STT3B: variants seen among roughly 807,000 people sequenced by gnomAD.
The protein encoded by STT3B is dolichyl-diphosphooligosaccharide--protein glycosyltransferase subunit STT3B.
A neutral mutation model predicts 96.8 loss-of-function variants in STT3B; 29 were observed. The ratio of observed to expected loss-of-function variants is 0.30; its 90% CI spans 0.22 to 0.41. The LOEUF is 0.41. STT3B is among the 10% of genes least tolerant of loss of function. The probability of loss-of-function intolerance (pLI) is 1.00; values close to 1 mark genes in which losing one functional copy is unlikely to be tolerated. For synonymous variants in STT3B, 367 were observed against 360.0 expected, an observed-to-expected ratio of 1.02 and a Z score of -0.22; for missense variants, 640 against 1,022.3, an observed-to-expected ratio of 0.63 and a Z score of 5.10.
rs568587634 is a variant in STT3B, at chr3:31,627,622, A to C, written c.2073+1495A>C. On this transcript the variant is annotated intron_variant, in intron 13 of 15. Coordinates refer to ENST00000295770, the MANE Select transcript of STT3B (RefSeq NM_178862.3). The stretch of plus-strand genomic sequence containing the variant: ...GAAAAATGTATGCAGGTGTCGTGTG[A>C]TGCAGATGAAGTAAAGCCTCAGATT... Among the ~76,000 whole-genome samples the C allele has an allele frequency of 3.9e-5, 6 of 152,378 alleles. No homozygotes were observed. The East Asian group carries it at 7.7e-4, about 20-fold the overall frequency.
At chr3:31,601,632 C>CT (rs1352888124) in intron 5 of STT3B, among the ~76,000 whole-genome samples, 1 of 152,002 alleles carries the variant, frequency 6.6e-6, no homozygotes, top group African/African-American at 2.4e-5. Flanking sequence ...AGAGGTGTGA[C>CT]TGTTGAATGG....
At position 31,636,132 on chromosome 3, in the gene STT3B, T is replaced by G. The variant is rs1699750824; in HGVS notation, c.*68T>G. On this transcript the variant is annotated 3_prime_UTR_variant, in exon 16 of 16. Transcript: ENST00000295770. ...AGAACCGGTCTTTGCCTTTAGCTCATGTCGTGTTTCACAGCAAAGAGGGTA... is the reference window on the plus strand; with the variant it reads ...AGAACCGGTCTTTGCCTTTAGCTCAGGTCGTGTTTCACAGCAAAGAGGGTA... 7.9e-7 allele frequency: 1 copy of G among 1,271,308 alleles called. No homozygotes were observed. The highest frequency in any genetic ancestry group is 1.1e-6 in the Non-Finnish European group (1 of 915,108). The allele number at this position is 1,271,308 out of a possible 1,614,324, so 78.8% of individuals were successfully genotyped here. A position where few individuals can be genotyped will look rare whatever the true frequency, so the allele number is the denominator to read the frequency against.
chr3:31,545,299 TA>T (rs1450676355), intron 1 of STT3B, among the ~76,000 whole-genome samples: 46 of 152,338 alleles, frequency 3.0e-4, no homozygotes, highest in African/African-American at 1.1e-3. Context: ...GCTGTTAAAA[TA>T]ATTTACTGCA....
At chr3:31,588,046 A>T (rs138047691) in intron 3 of STT3B, among the ~76,000 whole-genome samples, 1,704 of 152,232 alleles carry the variant, frequency 0.011, 30 homozygotes, top group African/African-American at 0.038. Context: ...TATTTTGTAG[A>T]TCATCTAGAA....
At chr3:31,603,499 A>T (rs889138975) in intron 5 of STT3B, among the ~76,000 whole-genome samples, 1 of 152,040 alleles carries the variant, frequency 6.6e-6, no homozygotes, top group African/African-American at 2.4e-5. Flanking sequence ...TGGGAAGTAA[A>T]TGTTTAAAAA....
intron 11 of STT3B, 146 bp downstream of exon 11, chr3:31,624,007 A>G (rs1049539916): frequency 1.1e-5 from 7 of 629,134 alleles, no homozygotes; most frequent in African/African-American, 9.1e-5. Context: ...TGGTAGGTAC[A>G]CAGTAAATAC....
chr3:31,580,928 G>A (rs1698370163), intron 3 of STT3B, among the ~76,000 whole-genome samples: 1 of 150,836 alleles, frequency 6.6e-6, no homozygotes, highest in Non-Finnish European at 1.5e-5. Context: ...TTTATTGTGT[G>A]CAGCTGAGGA....
At chr3:31,603,694 T>C in intron 5 of STT3B, among the ~76,000 whole-genome samples, 1 of 151,996 alleles carries the variant, frequency 6.6e-6, no homozygotes, top group East Asian at 2.0e-4. Context: ...ATTAAAGATA[T>C]GAAGTCAAAT....
chr3:31,573,581 G>A lies in STT3B; in HGVS notation c.315-2815G>A, dbSNP rs1323631614. On this transcript the variant is annotated intron_variant, in intron 1 of 15. Transcript: ENST00000295770. Reference sequence around the variant, plus strand: ...CTAGATTTCTTCAACTTAGGTGGCGGTAAGAGAATACTGAAAGCAGATATA... The same window carrying A: ...CTAGATTTCTTCAACTTAGGTGGCGATAAGAGAATACTGAAAGCAGATATA... Among the ~76,000 whole-genome samples the A allele has an allele frequency of 2.6e-5, 4 of 152,184 alleles. No homozygotes were observed. In the East Asian group the frequency reaches 7.7e-4, roughly 29 times the overall value.
At chr3:31,561,798 TC>T (rs1307473699) in intron 1 of STT3B, among the ~76,000 whole-genome samples, 6 of 152,210 alleles carry the variant, frequency 3.9e-5, no homozygotes, top group Non-Finnish European at 5.9e-5. Flanking sequence ...GAGAATTTTT[TC>T]CTGAAGATAT....
Position 31,623,978 on chromosome 3 carries a change from T to A in STT3B, c.1727+117T>A, listed in dbSNP as rs541322120. On this transcript the variant is annotated intron_variant, in intron 11 of 15. Transcript: ENST00000295770. ...GTGAGATTCTGCATTTGCTTGTTTT[T>A]AATTTTTTATTTTAATTTTGGTAGG... The A allele has an allele frequency of 5.7e-4, 507 of 890,378 alleles. 2 individuals are homozygous for A. The South Asian group carries it at 7.4e-3, about 13-fold the overall frequency. The allele number at this position is 890,378 out of a possible 1,614,324, so 55.2% of individuals were successfully genotyped here.
intron 5 of STT3B, among the ~76,000 whole-genome samples, chr3:31,608,826 G>A (rs1044712507): frequency 1.1e-4 from 17 of 152,158 alleles, no homozygotes; most frequent in African/African-American, 3.9e-4. Context: ...AATAAGAAAA[G>A]GATGTGTTGG....
In STT3B at chr3:31,616,912, C is replaced by G; in HGVS notation, c.977-17C>G. ...GAAAACTGCTTTGTTGATTATGTGA[C>G]CCTTTTCTTTAATTAGGTGTCTTTG... On this transcript the variant is annotated splice_polypyrimidine_tract_variant and intron_variant, in intron 6 of 15. Transcript: ENST00000295770. 6.3e-7 allele frequency: 1 copy of G among 1,584,960 alleles called. No homozygotes were observed. The highest frequency in any genetic ancestry group is 8.6e-7 in the Non-Finnish European group (1 of 1,163,290).
In STT3B at chr3:31,600,386, T is replaced by C. The variant is rs1188767201; in HGVS notation, c.804T>C (p.Phe268=). The C allele has an allele frequency of 1.3e-6, 2 of 1,586,618 alleles. No homozygotes were observed. The highest frequency in any genetic ancestry group is 1.7e-6 in the Non-Finnish European group (2 of 1,159,438). The change falls in exon 5 of 16, where the codon TTT becomes TTC. Residue 268 remains phenylalanine, a synonymous_variant. Transcript: ENST00000295770. ...YMVSAWGGYV[F]IINLIPLHVF... is the part of the protein sequence containing the mutation. ...TCTCTGCTTGGGGTGGTTATGTATT[T>C]ATCATCAATCTTATTCCACTGCATG...
chr3:31,537,674 C>T lies in STT3B; in HGVS notation c.314+4362C>T, dbSNP rs563046231. Among the ~76,000 whole-genome samples, 7 of 152,204 alleles carry T rather than the reference C, an allele frequency of 4.6e-5. No homozygotes were observed. In the South Asian group the frequency reaches 1.4e-3, roughly 32 times the overall value. ...CTTGGGTAGGACTGCATGCCCCTTA[C>T]TGCCATGAGTAGTTTGCATAAAGAC... On this transcript the variant is annotated intron_variant, in intron 1 of 15. Transcript: ENST00000295770.
intron 1 of STT3B, among the ~76,000 whole-genome samples, chr3:31,541,894 T>C (rs1012088985): frequency 6.6e-6 from 1 of 152,142 alleles, no homozygotes; most frequent in African/African-American, 2.4e-5. Context: ...ATAATTTGGC[T>C]AACCAGGTGT....
chr3:31,619,892 T>G, intron 9 of STT3B, 62 bp downstream of exon 9: 1 of 1,546,406 alleles, frequency 6.5e-7, no homozygotes, highest in East Asian at 2.3e-5. Flanking sequence ...TTGAGATTAT[T>G]TACTTTAAAT....
chr3:31,604,734 A>C (rs1200465768), intron 5 of STT3B, among the ~76,000 whole-genome samples: 2 of 152,212 alleles, frequency 1.3e-5, no homozygotes, highest in Non-Finnish European at 2.9e-5. Context: ...TTCTTTTAAA[A>C]GTTTTGGAGA....
intron 1 of STT3B, among the ~76,000 whole-genome samples, chr3:31,567,684 A>G (rs1244410437): frequency 6.6e-6 from 1 of 152,156 alleles, no homozygotes; most frequent in East Asian, 1.9e-4. Flanking sequence ...GTTAATTTTA[A>G]GGCTGAGATA....
Sources: allele counts gnomAD v4.1 joint callset (sites outside exome capture counted in the v4.1 genomes callset), GRCh38; gene constraint gnomAD v4.1.1; transcripts MANE v1.5; gene names NCBI Gene and HGNC (gene_info 2026-07-23, HGNC 2026-07-21).